The following NBDY variants were observed in gnomAD, a reference collection of about 807,000 sequenced individuals.
NBDY encodes P-body dissociating protein.
intron 2 of NBDY, among the ~76,000 whole-genome samples, chrX:56,767,301 G>C (rs2069670920): frequency 8.8e-6 from 1 of 113,408 alleles, no homozygotes; most frequent in Admixed American, 9.2e-5. Flanking sequence ...CTTGATCCTA[G>C]GGTCCCCTTA....
chrX:56,804,077 G>A (rs769699497), intron 2 of NBDY, among the ~76,000 whole-genome samples: 2 of 111,450 alleles, frequency 1.8e-5, no homozygotes, highest in Non-Finnish European at 3.8e-5. Flanking sequence ...GTATGGGGGA[G>A]GGGTGTGTGA....
intron 2 of NBDY, among the ~76,000 whole-genome samples, chrX:56,792,608 CACAA>C (rs771704871): frequency 2.8e-4 from 31 of 111,305 alleles, no homozygotes; most frequent in Admixed American, 7.6e-4. Context: ...CACACACACA[CACAA>C]ACACACACAA....
intron 2 of NBDY, among the ~76,000 whole-genome samples, chrX:56,782,075 C>T (rs1181166096): frequency 2.7e-5 from 3 of 111,262 alleles, no homozygotes; most frequent in Admixed American, 1.9e-4. Context: ...AGAAGCTTCT[C>T]GTTTGTATGT....
intron 2 of NBDY, among the ~76,000 whole-genome samples, chrX:56,739,299 T>TAG (rs143262854): frequency 1.3e-4 from 10 of 74,300 alleles, no homozygotes; most frequent in African/African-American, 4.3e-4. Context: ...TATATATATA[T>TAG]AGAGAGAGAG....
chrX:56,765,070 A>T (rs1447087458), intron 2 of NBDY, among the ~76,000 whole-genome samples: 2 of 111,362 alleles, frequency 1.8e-5, no homozygotes, highest in African/African-American at 6.5e-5. Flanking sequence ...TTTCTTCTTC[A>T]TTCTCTTTAC....
intron 2 of NBDY, among the ~76,000 whole-genome samples, chrX:56,762,821 ACACT>A (rs1463335057): frequency 2.7e-5 from 3 of 111,146 alleles, no homozygotes; most frequent in Non-Finnish European, 5.7e-5. Flanking sequence ...ACACATACAC[ACACT>A]CACTAGGGAC....
intron 2 of NBDY, among the ~76,000 whole-genome samples, chrX:56,738,430 A>C (rs761196202): frequency 3.5e-4 from 39 of 111,947 alleles, no homozygotes; most frequent in Non-Finnish European, 5.5e-4. Flanking sequence ...TCAATTCTGA[A>C]GCTATCTCCC....
intron 2 of NBDY, among the ~76,000 whole-genome samples, chrX:56,759,929 G>A (rs1466185664): frequency 8.9e-6 from 1 of 112,116 alleles, no homozygotes; most frequent in Non-Finnish European, 1.9e-5. Flanking sequence ...GCCCCAGCTT[G>A]GACCCAGCCA....
At chrX:56,785,761 G>T (rs1258177768) in intron 2 of NBDY, among the ~76,000 whole-genome samples, 7 of 111,690 alleles carry the variant, frequency 6.3e-5, no homozygotes, top group Non-Finnish European at 1.3e-4. Flanking sequence ...TCACAGGGCT[G>T]CCAGCTATTC....
At chrX:56,786,630 T>G (rs747990144) in intron 2 of NBDY, among the ~76,000 whole-genome samples, 1 of 72,288 alleles carries the variant, frequency 1.4e-5, no homozygotes, top group East Asian at 5.2e-4. Flanking sequence ...CTTCTCCTTC[T>G]TTCTGCTTCT....
At chrX:56,816,843 T>C (rs1051537970) in intron 2 of NBDY, among the ~76,000 whole-genome samples, 5 of 111,298 alleles carry the variant, frequency 4.5e-5, no homozygotes, top group African/African-American at 1.6e-4. Context: ...TATGTCTATG[T>C]TGTTTGAATT....
At chrX:56,740,431 T>C (rs1411513180) in intron 2 of NBDY, among the ~76,000 whole-genome samples, 1 of 111,759 alleles carries the variant, frequency 8.9e-6, no homozygotes, top group East Asian at 2.8e-4. Context: ...CCTGGAAAGA[T>C]TGTGTATCTA....
At chrX:56,783,568 C>T (rs1321653952) in intron 2 of NBDY, among the ~76,000 whole-genome samples, 1 of 112,288 alleles carries the variant, frequency 8.9e-6, no homozygotes, top group African/African-American at 3.2e-5. Flanking sequence ...CTTCTCCAAG[C>T]GGTTCCAATG....
intron 2 of NBDY, among the ~76,000 whole-genome samples, chrX:56,814,356 G>A (rs2316883): frequency 9.1e-6 from 1 of 110,075 alleles, no homozygotes; most frequent in African/African-American, 3.3e-5. Flanking sequence ...GGGCATTTAA[G>A]AAACAGTTTT....
chrX:56,752,581 A>G, intron 2 of NBDY, among the ~76,000 whole-genome samples: 1 of 111,399 alleles, frequency 9.0e-6, no homozygotes, highest in Non-Finnish European at 1.9e-5. Context: ...GAGGAAGGCA[A>G]GACTTCAACA....
intron 2 of NBDY, among the ~76,000 whole-genome samples, chrX:56,794,223 C>T (rs1026395744): frequency 4.4e-4 from 49 of 111,597 alleles, no homozygotes; most frequent in Non-Finnish European, 8.7e-4. Context: ...CACCCAGCCC[C>T]GCATATTTTT....
chrX:56,767,649 G>C (rs2069674297), intron 2 of NBDY, among the ~76,000 whole-genome samples: 1 of 113,543 alleles, frequency 8.8e-6, no homozygotes, highest in South Asian at 3.5e-4. Flanking sequence ...AGCAGCTACT[G>C]TGCTCCACTT....
At chrX:56,759,458 C>A (rs1391218632) in intron 2 of NBDY, among the ~76,000 whole-genome samples, 1 of 112,089 alleles carries the variant, frequency 8.9e-6, no homozygotes, top group Non-Finnish European at 1.9e-5. Context: ...TGGTGGTCAA[C>A]CTGGGACCTA....
At chrX:56,760,182 G>GT (rs2069631437) in intron 2 of NBDY, among the ~76,000 whole-genome samples, 1 of 113,059 alleles carries the variant, frequency 8.8e-6, no homozygotes, top group Non-Finnish European at 1.9e-5. Context: ...GGGAAACCCT[G>GT]CCTTGGGCTG....
Sources: gnomAD v4.1 joint callset for allele counts (sites outside exome capture counted in the v4.1 genomes callset) on GRCh38, gnomAD v4.1.1 for gene constraint, MANE v1.5 for transcripts, NCBI Gene and HGNC (gene_info 2026-07-23, HGNC 2026-07-21) for gene names.